The following G2E3 variants were observed in gnomAD, a reference collection of about 807,000 sequenced individuals.
G2E3 encodes G2/M phase-specific E3 ubiquitin-protein ligase.
Under a neutral mutation model 92.8 loss-of-function variants are expected in G2E3, and 35 were observed. The observed-to-expected ratio is 0.38, with a 90% CI of 0.29 to 0.50. The LOEUF (loss-of-function observed/expected upper bound fraction) is 0.50. Among genes scored for constraint, G2E3 ranks in the 20% least tolerant of loss-of-function variants. G2E3 has a pLI of 0.94. For missense variants in G2E3, 554 were observed against 823.8 expected (o/e 0.67, Z 4.01); for synonymous variants, 242 against 272.4 (o/e 0.89, Z 1.10).
At chr14:30,580,181 G>A (rs1307803588) in intron 1 of G2E3, among the ~76,000 whole-genome samples, 3 of 152,122 alleles carry the variant, frequency 2.0e-5, no homozygotes, top group East Asian at 1.9e-4. Context: ...ATACGGTATA[G>A]ACTAATAAAG....
chr14:30,618,717 T>TA lies in G2E3; in HGVS notation c.*2184dup, dbSNP rs1422012642. Reference sequence around the variant, plus strand: ...TCTAGTTTGAAGGATGTTCCATTATTACCATTTTTAGATTAATCTGTATGG... The same window carrying TA: ...TCTAGTTTGAAGGATGTTCCATTATTAACCATTTTTAGATTAATCTGTATGG... On this transcript the variant is annotated 3_prime_UTR_variant, in exon 15 of 15. Transcript: ENST00000206595. The TA allele has an allele frequency of 1.3e-5, 2 of 152,170 alleles. No homozygotes were observed. Among genetic ancestry groups the TA allele is most frequent in the Non-Finnish European group, 2.9e-5 (2 of 67,980 alleles). 9.4% of individuals were successfully genotyped at this position (152,170 alleles called of 1,614,324 possible).
chr14:30,606,785 T>C (rs1266948336), intron 11 of G2E3, among the ~76,000 whole-genome samples: 1 of 152,128 alleles, frequency 6.6e-6, no homozygotes, highest in Non-Finnish European at 1.5e-5. Flanking sequence ...TTCAACAATT[T>C]AAAAATTAAG....
intron 11 of G2E3, among the ~76,000 whole-genome samples, chr14:30,607,284 GTTCTGAGAAA>G (rs1357279627): frequency 6.6e-6 from 1 of 152,122 alleles, no homozygotes; most frequent in Non-Finnish European, 1.5e-5. Flanking sequence ...ACAGGGATAT[GTTCTGAGAAA>G]TGTGTCAGTA....
At chr14:30,571,581 T>A (rs191873804) in intron 1 of G2E3, among the ~76,000 whole-genome samples, 69 of 152,132 alleles carry the variant, frequency 4.5e-4, no homozygotes, top group African/African-American at 1.6e-3. Flanking sequence ...GTGATCCAAT[T>A]TGAATTAAGT....
At chr14:30,600,014 T>A (rs1881489072) in intron 8 of G2E3, among the ~76,000 whole-genome samples, 1 of 152,212 alleles carries the variant, frequency 6.6e-6, no homozygotes, top group Non-Finnish European at 1.5e-5. Context: ...CAGTGTACTG[T>A]GTTGCATAGT....
At chr14:30,567,199 AG>A (rs1224092430) in intron 1 of G2E3, among the ~76,000 whole-genome samples, 2 of 152,144 alleles carry the variant, frequency 1.3e-5, no homozygotes, top group Admixed American at 1.3e-4. Context: ...AAAATGAGTT[AG>A]GAAGTGTCAT....
chr14:30,595,990 T>C (rs913425326), intron 6 of G2E3, among the ~76,000 whole-genome samples: 33 of 152,090 alleles, frequency 2.2e-4, no homozygotes, highest in Admixed American at 1.8e-3. Flanking sequence ...TTCTCCTCTA[T>C]ACCAGATACT....
At chr14:30,612,986 CTG>C (rs1186401882) in intron 13 of G2E3, among the ~76,000 whole-genome samples, 2 of 152,214 alleles carry the variant, frequency 1.3e-5, no homozygotes, top group Non-Finnish European at 2.9e-5. Context: ...TATTCTGTCT[CTG>C]TGCATTCATT....
intron 1 of G2E3, among the ~76,000 whole-genome samples, chr14:30,579,724 A>G (rs1046724769): frequency 2.6e-4 from 40 of 152,182 alleles, no homozygotes; most frequent in African/African-American, 9.4e-4. Context: ...GTTATGGGTT[A>G]GTGTATTCCC....
At chr14:30,606,558 T>C (rs1364023764) in intron 11 of G2E3, among the ~76,000 whole-genome samples, 3 of 152,074 alleles carry the variant, frequency 2.0e-5, no homozygotes, top group Non-Finnish European at 4.4e-5. Context: ...ACTTTCCAAA[T>C]AGTAATGTTA....
intron 1 of G2E3, among the ~76,000 whole-genome samples, chr14:30,575,272 G>C (rs1006651390): frequency 6.6e-6 from 1 of 151,902 alleles, no homozygotes; most frequent in African/African-American, 2.4e-5. Context: ...TAATGGGGTT[G>C]TTTTTTTCTT....
Position 30,616,489 on chromosome 14 carries a change from TCTAAGA to T in G2E3, c.2080_2085del (p.Arg694_Leu695del). On this transcript the variant is annotated inframe_deletion, in exon 15 of 15. Transcript: ENST00000206595. ...ATATGGACTTCACCATAAGAAACAC[TCTAAGA>T]CTAGAAAAGGAAGAAAGTTCTCATT... 1.9e-6 allele frequency: 3 copies of T among 1,602,922 alleles called. No individual in the cohort carries two copies. Among genetic ancestry groups the T allele is most frequent in the Non-Finnish European group, 2.6e-6 (3 of 1,171,814 alleles).
intron 1 of G2E3, among the ~76,000 whole-genome samples, chr14:30,580,061 C>G (rs1326286628): frequency 1.3e-5 from 2 of 151,980 alleles, no homozygotes; most frequent in Non-Finnish European, 2.9e-5. Flanking sequence ...AGGGACAGAC[C>G]AATGTCTTTC....
Position 30,589,819 on chromosome 14 carries a change from C to T in G2E3, c.237+335C>T, listed in dbSNP as rs144133112. 7.2e-4 allele frequency among the ~76,000 whole-genome samples: 109 copies of T among 152,166 alleles called. No homozygotes were observed. In the East Asian group the frequency reaches 0.014, roughly 20 times the overall value. On this transcript the variant is annotated intron_variant, in intron 4 of 14. Transcript: ENST00000206595. ...GATCATAACTCCACTCTGCTGTTCT[C>T]TAAACCTTTGATCCTGAGTCAACCC...
At chr14:30,569,801 A>C (rs1003506485) in intron 1 of G2E3, among the ~76,000 whole-genome samples, 3 of 152,180 alleles carry the variant, frequency 2.0e-5, no homozygotes, top group African/African-American at 7.2e-5. Context: ...TATATAATCC[A>C]ACCAAATGGC....
chr14:30,572,308 C>T lies in G2E3; in HGVS notation c.-4-8768C>T, dbSNP rs140708807. On this transcript the variant is annotated intron_variant, in intron 1 of 14. Transcript: ENST00000206595. The stretch of plus-strand genomic sequence containing the variant: ...TCCTTCACAGTTTTGTCTTCTTTTC[C>T]CTTGGAGTACACTGTTGAATCAGAG... Among the ~76,000 whole-genome samples the T allele has an allele frequency of 8.6e-3, 1,302 of 152,084 alleles. 11 individuals carry two copies. The highest frequency in any genetic ancestry group is 0.016 in the Non-Finnish European group (1,054 of 67,962).
chr14:30,616,644 C>G lies in G2E3; in HGVS notation c.*110C>G, dbSNP rs186258513. 2.9e-5 allele frequency: 23 copies of G among 791,004 alleles called. No homozygotes were observed. In the African/African-American group the frequency reaches 3.5e-4, roughly 12 times the overall value. 49.0% of individuals were successfully genotyped at this position (791,004 alleles called of 1,614,324 possible). On this transcript the variant is annotated 3_prime_UTR_variant, in exon 15 of 15. Transcript: ENST00000206595. The stretch of plus-strand genomic sequence containing the variant: ...TTGAACAAACTAGTTAGCTTCTTGA[C>G]CTAATAAAATTTATGATATGAATAT...
At chr14:30,595,719 G>T (rs1344637811) in intron 6 of G2E3, among the ~76,000 whole-genome samples, 1 of 152,126 alleles carries the variant, frequency 6.6e-6, no homozygotes, top group Non-Finnish European at 1.5e-5. Flanking sequence ...TTGTACTCTG[G>T]TATCGGTCTT....
chr14:30,605,086 G>A (rs1382020119), intron 10 of G2E3, among the ~76,000 whole-genome samples: 1 of 152,148 alleles, frequency 6.6e-6, no homozygotes, highest in African/African-American at 2.4e-5. Flanking sequence ...AGTAGAGACA[G>A]GGTTTCTCCC....
Sources: allele counts gnomAD v4.1 joint callset (sites outside exome capture counted in the v4.1 genomes callset), GRCh38; gene constraint gnomAD v4.1.1; transcripts MANE v1.5; gene names NCBI Gene and HGNC (gene_info 2026-07-23, HGNC 2026-07-21).